PTPRA: variants seen among roughly 807,000 people sequenced by gnomAD.
The protein encoded by PTPRA is receptor-type tyrosine-protein phosphatase alpha.
In PTPRA, 25 loss-of-function variants were observed where a neutral mutation model predicts 104.8. That is an observed-to-expected ratio of 0.24 (90% CI 0.17 to 0.33). PTPRA has a LOEUF of 0.33. Ranked by LOEUF, PTPRA falls within the 10% of genes least tolerant of loss-of-function variation. The probability of loss-of-function intolerance (pLI) is 1.00; values close to 1 mark genes in which losing one functional copy is unlikely to be tolerated. For missense variants in PTPRA, 765 were observed against 1,015.3 expected (o/e 0.75, Z 3.35); for synonymous variants, 323 against 368.9 (o/e 0.88, Z 1.43).
chr20:2,922,142 A>C (rs942547230), intron 1 of PTPRA, among the ~76,000 whole-genome samples: 2 of 152,144 alleles, frequency 1.3e-5, no homozygotes, highest in Non-Finnish European at 2.9e-5. Context: ...GCATAGTCCA[A>C]GTTTTGGGAC....
At chr20:2,865,347 C>G in the PTPRA span, 1 of 1,613,848 alleles carries the variant, frequency 6.2e-7, no homozygotes, top group Non-Finnish European at 8.5e-7. This position sits in a 1 kb window ranked among gnomAD's most constrained non-coding sequence, Gnocchi z 5.2. Flanking sequence ...GCATGTGGGT[C>G]CCAGGACCAC....
rs549802398 is a variant in PTPRA, at chr20:2,995,696, A to G, written c.738+7222A>G. On this transcript the variant is annotated intron_variant, in intron 9 of 23. Coordinates refer to ENST00000399903, the MANE Select transcript of PTPRA (RefSeq NM_001385305.1). ...GCATTAAAATTCAGCAACTCGCAAA[A>G]TTTGGAAACCTTAACATTTCACTTA... Among the ~76,000 whole-genome samples, 5 of 152,328 alleles carry G rather than the reference A, an allele frequency of 3.3e-5. No individual in the cohort carries two copies. In the East Asian group the frequency reaches 9.6e-4, roughly 29 times the overall value.
intron 17 of PTPRA, among the ~76,000 whole-genome samples, chr20:3,025,253 G>T (rs1221613334): frequency 6.6e-6 from 1 of 151,994 alleles, no homozygotes; most frequent in Non-Finnish European, 1.5e-5. Context: ...AGGAGTTCCA[G>T]ACCAGCCTGG....
chr20:2,899,260 TAAAC>T (rs766759536), intron 1 of PTPRA, among the ~76,000 whole-genome samples: 24 of 152,090 alleles, frequency 1.6e-4, no homozygotes, highest in Admixed American at 4.6e-4. Context: ...CTTAAAAAAA[TAAAC>T]AAATAAATAA....
chr20:2,913,781 T>C (rs1025215070), intron 1 of PTPRA, among the ~76,000 whole-genome samples: 3 of 152,200 alleles, frequency 2.0e-5, no homozygotes, highest in African/African-American at 7.2e-5. Context: ...TACATTTAAC[T>C]ATTTTTTCCT....
intron 11 of PTPRA, 64 bp from the exon 12 acceptor site, chr20:3,015,785 G>A (rs2064413837): frequency 7.2e-7 from 1 of 1,387,216 alleles, no homozygotes; most frequent in East Asian, 2.3e-5. Context: ...AGTCAGACTG[G>A]AGAATTTCAT....
At chr20:2,968,727 A>G (rs2062037879) in intron 5 of PTPRA, among the ~76,000 whole-genome samples, 1 of 151,746 alleles carries the variant, frequency 6.6e-6, no homozygotes, top group Non-Finnish European at 1.5e-5. Flanking sequence ...CAGCCTAAGC[A>G]TCGCAGCAAA....
chr20:2,903,237 C>T (rs370370768), intron 1 of PTPRA, among the ~76,000 whole-genome samples: 131 of 152,210 alleles, frequency 8.6e-4, no homozygotes, highest in African/African-American at 2.0e-3. Context: ...ATCCAAACCA[C>T]GTCTGGTTCC....
intron 1 of PTPRA, among the ~76,000 whole-genome samples, chr20:2,911,818 A>C (rs2059732954): frequency 6.6e-6 from 1 of 152,202 alleles, no homozygotes; most frequent in South Asian, 2.1e-4. Context: ...AGCATATTTC[A>C]AGAAGTAGAG....
intron 1 of PTPRA, among the ~76,000 whole-genome samples, chr20:2,908,645 C>T (rs1254803257): frequency 6.6e-6 from 1 of 152,002 alleles, no homozygotes; most frequent in African/African-American, 2.4e-5. Context: ...GTAATCCCAG[C>T]ACTTTTGGAG....
At chr20:2,962,165 A>T (rs190413293) in intron 3 of PTPRA, among the ~76,000 whole-genome samples, 227 of 152,352 alleles carry the variant, frequency 1.5e-3, no homozygotes, top group Non-Finnish European at 2.6e-3. Flanking sequence ...CATTGAATCT[A>T]TAGGCTTATT....
At chr20:2,968,013 C>T (rs942910177) in intron 5 of PTPRA, among the ~76,000 whole-genome samples, 2 of 152,238 alleles carry the variant, frequency 1.3e-5, no homozygotes, top group Admixed American at 6.5e-5. Flanking sequence ...CTAGGCTTGT[C>T]GATCTCTAGG....
intron 22 of PTPRA, among the ~76,000 whole-genome samples, chr20:3,036,348 C>T (rs2065799506): frequency 1.3e-5 from 2 of 152,206 alleles, no homozygotes; most frequent in African/African-American, 4.8e-5. Flanking sequence ...GGGCATGTTG[C>T]TGGAGGTTAC....
intron 10 of PTPRA, 39 bp from the exon 11 acceptor site, chr20:3,007,305 A>G (rs1212630714): frequency 6.3e-7 from 1 of 1,586,726 alleles, no homozygotes; most frequent in Non-Finnish European, 8.7e-7. Flanking sequence ...TGAGAAATAA[A>G]TTTTGATTTT....
chr20:2,875,862 C>G lies in PTPRA; in HGVS notation c.-129+2102C>G, dbSNP rs796960750. ...CCCCTGCCTGGGTGATTTGGGAAAG[C>G]TTTCCTGGGACGGGGGGGCCTTCGG... On this transcript the variant is annotated intron_variant, in intron 1 of 23. Coordinates refer to ENST00000399903, the MANE Select transcript of PTPRA (RefSeq NM_001385305.1). Among the ~76,000 whole-genome samples, 12 of 152,240 alleles carry G rather than the reference C, an allele frequency of 7.9e-5. 1 individual carries two copies. The highest frequency in any genetic ancestry group is 2.9e-4 in the African/African-American group (12 of 41,546).
intron 5 of PTPRA, among the ~76,000 whole-genome samples, chr20:2,974,673 A>G (rs11905132): frequency 1.6e-4 from 24 of 152,194 alleles, no homozygotes; most frequent in African/African-American, 5.8e-4. Context: ...CAGGTGATCC[A>G]CTGCACCCGG....
intron 1 of PTPRA, among the ~76,000 whole-genome samples, chr20:2,918,720 C>T (rs182849628): frequency 5.8e-4 from 88 of 152,316 alleles, no homozygotes; most frequent in Admixed American, 1.2e-3. Flanking sequence ...TTAAAACCTT[C>T]CATTCAGCTC....
chr20:3,008,709 G>A lies in PTPRA; in HGVS notation c.906+1289G>A, dbSNP rs545006066. The stretch of plus-strand genomic sequence containing the variant: ...AGTTTGAGACCAGCCTGACCAAGAT[G>A]GTGAAACCTCATCTCTACTAAAAAA... On this transcript the variant is annotated intron_variant, in intron 11 of 23. Coordinates refer to ENST00000399903, the MANE Select transcript of PTPRA (RefSeq NM_001385305.1). 7.0e-5 allele frequency among the ~76,000 whole-genome samples: 10 copies of A among 143,884 alleles called. No individual in the cohort carries two copies. In the South Asian group the frequency reaches 7.2e-4, roughly 10 times the overall value. The allele number at this position is 143,884 out of a possible 152,430, so 94.4% of individuals were successfully genotyped here.
chr20:3,022,464 G>A lies in PTPRA; in HGVS notation c.1329-225G>A, dbSNP rs376371548. On this transcript the variant is annotated intron_variant, in intron 15 of 23. Transcript: ENST00000399903. The surrounding 1 kb of genome is among the most constrained non-coding windows in gnomAD (Gnocchi z 4.6). ...GACCCTGCTATGAAGCCAAAAGACT[G>A]GGTCAAGTGCTGGCCATGTATTTTT... 5.9e-5 allele frequency among the ~76,000 whole-genome samples: 9 copies of A among 152,336 alleles called. 1 individual carries two copies. The highest frequency in any genetic ancestry group is 2.2e-4 in the African/African-American group (9 of 41,580).
Sources: allele counts gnomAD v4.1 joint callset (sites outside exome capture counted in the v4.1 genomes callset), GRCh38; gene constraint gnomAD v4.1.1; non-coding constraint Gnocchi (gnomAD v3.1); transcripts MANE v1.5; gene names NCBI Gene and HGNC (gene_info 2026-07-23, HGNC 2026-07-21).